Variants in MSI2 observed in about 807,000 individuals in gnomAD.
MSI2 encodes the protein musashi RNA binding protein 2.
MSI2 carries 17 observed loss-of-function variants against 45.6 expected under a neutral mutation model. That is an observed-to-expected ratio of 0.37 (90% CI 0.26 to 0.56). The LOEUF (loss-of-function observed/expected upper bound fraction) is 0.56. Among genes scored for constraint, MSI2 ranks in the 20% least tolerant of loss-of-function variants. The pLI, the probability that MSI2 is intolerant of heterozygous loss-of-function variation, is 0.77. For synonymous variants in MSI2, 156 were observed against 158.2 expected, an observed-to-expected ratio of 0.99 and a Z score of 0.11; for missense variants, 293 against 444.2, an observed-to-expected ratio of 0.66 and a Z score of 3.06.
At chr17:57,595,392 C>A (rs909589725) in intron 7 of MSI2, among the ~76,000 whole-genome samples, 1 of 151,900 alleles carries the variant, frequency 6.6e-6, no homozygotes, top group South Asian at 2.1e-4. Flanking sequence ...CAGGTTCATA[C>A]CTTTGGGGAG....
At chr17:57,571,502 C>T (rs935097794) in intron 7 of MSI2, among the ~76,000 whole-genome samples, 1 of 152,184 alleles carries the variant, frequency 6.6e-6, no homozygotes, top group African/African-American at 2.4e-5. Flanking sequence ...CTTTACCTCA[C>T]GTACCTCTGG....
intron 10 of MSI2, among the ~76,000 whole-genome samples, chr17:57,645,112 GT>G (rs1910554100): frequency 6.6e-6 from 1 of 152,208 alleles, no homozygotes; most frequent in African/African-American, 2.4e-5. Context: ...TAAATCAAGG[GT>G]TCTCTGCCTA....
At chr17:57,367,885 A>G (rs1428383740) in intron 5 of MSI2, among the ~76,000 whole-genome samples, 1 of 152,108 alleles carries the variant, frequency 6.6e-6, no homozygotes, top group African/African-American at 2.4e-5. Flanking sequence ...AGGCCTGGGT[A>G]GGAGACGGAG....
intron 7 of MSI2, among the ~76,000 whole-genome samples, chr17:57,561,571 G>C (rs952036383): frequency 5.9e-5 from 9 of 152,186 alleles, no homozygotes; most frequent in Admixed American, 1.3e-4. Flanking sequence ...TGTTTGCCCA[G>C]TTGCTGCTTT....
chr17:57,479,245 G>T (rs1203425927), intron 6 of MSI2, among the ~76,000 whole-genome samples: 1 of 152,172 alleles, frequency 6.6e-6, no homozygotes, highest in Admixed American at 6.5e-5. Flanking sequence ...CATTTTTTGG[G>T]AATGGGGCTT....
chr17:57,668,619 CA>C (rs34801259), intron 11 of MSI2, among the ~76,000 whole-genome samples: 109,765 of 152,026 alleles, frequency 0.72, 40,893 homozygotes, highest in African/African-American at 0.9. Context: ...CATGCACAGA[CA>C]ACTCACCATG....
At chr17:57,406,338 C>CCA (rs879705963) in intron 6 of MSI2, among the ~76,000 whole-genome samples, 1 of 152,204 alleles carries the variant, frequency 6.6e-6, no homozygotes, top group East Asian at 1.9e-4. Context: ...CAAAGAAACT[C>CCA]CACACACACG....
intron 10 of MSI2, among the ~76,000 whole-genome samples, chr17:57,650,856 G>A (rs1158171409): frequency 5.3e-5 from 8 of 152,086 alleles, no homozygotes; most frequent in Non-Finnish European, 1.0e-4. Flanking sequence ...TCCCTCCTCT[G>A]CTCCCTGCCC....
chr17:57,608,180 G>C (rs1033420744), intron 8 of MSI2: 2 of 152,520 alleles, frequency 1.3e-5, no homozygotes, highest in Non-Finnish European at 2.9e-5. Flanking sequence ...GGATTTACAG[G>C]GGTGCAATTG....
chr17:57,421,740 C>G (rs117533777), intron 6 of MSI2, among the ~76,000 whole-genome samples: 1 of 152,132 alleles, frequency 6.6e-6, no homozygotes, highest in Non-Finnish European at 1.5e-5. Context: ...GCCTGTACTC[C>G]TAGCTACATG....
At chr17:57,591,225 C>T (rs1904796650) in intron 7 of MSI2, among the ~76,000 whole-genome samples, 1 of 152,192 alleles carries the variant, frequency 6.6e-6, no homozygotes, top group South Asian at 2.1e-4. Context: ...TTCTGATTCT[C>T]TGTGGGGCCC....
At chr17:57,485,570 C>T (rs529731257) in intron 6 of MSI2, among the ~76,000 whole-genome samples, 1 of 152,140 alleles carries the variant, frequency 6.6e-6, no homozygotes, top group African/African-American at 2.4e-5. Flanking sequence ...AGAAAGGGCC[C>T]GTGATTCAAC....
rs1369980314 is a variant in MSI2, at chr17:57,470,030, C to T, written c.406-59646C>T. Among the ~76,000 whole-genome samples the T allele has an allele frequency of 2.6e-5, 4 of 152,296 alleles. No individual in the cohort carries two copies. In the East Asian group the frequency reaches 5.8e-4, roughly 22 times the overall value. ...TTTCTCTGGCTTAATGCCTTTTCAT[C>T]CTCCAGGACCCAGCTCAGATGCTGC... is the stretch of plus-strand genomic sequence containing the variant. On this transcript the variant is annotated intron_variant, in intron 6 of 13. Transcript: ENST00000284073.
At chr17:57,308,170 T>C (rs770453412) in intron 5 of MSI2, among the ~76,000 whole-genome samples, 21 of 152,098 alleles carry the variant, frequency 1.4e-4, no homozygotes, top group Non-Finnish European at 2.9e-4. Flanking sequence ...TGCCTCCCAA[T>C]TGGCTGTAAG....
At chr17:57,645,521 C>T (rs184379219) in intron 10 of MSI2, among the ~76,000 whole-genome samples, 40 of 151,926 alleles carry the variant, frequency 2.6e-4, no homozygotes, top group African/African-American at 9.4e-4. Flanking sequence ...CTGCAACCTC[C>T]GCCTCCTGGG....
At chr17:57,275,571 A>G (rs1430192213) in intron 5 of MSI2, among the ~76,000 whole-genome samples, 5 of 152,120 alleles carry the variant, frequency 3.3e-5, no homozygotes, top group Non-Finnish European at 1.5e-5. Flanking sequence ...GGGCTGGGAA[A>G]GCCCCCAGAC....
chr17:57,688,140 C>A (rs1483722605), downstream of MSI2, among the ~76,000 whole-genome samples: 5 of 151,988 alleles, frequency 3.3e-5, no homozygotes, highest in South Asian at 2.1e-4. Flanking sequence ...AAATAAGGAA[C>A]TTGTAGGGGT....
Position 57,674,995 on chromosome 17 carries a change from G to A in MSI2, c.814G>A (p.Gly272Ser). The A allele has an allele frequency of 6.2e-7, 1 of 1,613,558 alleles. No homozygotes were observed. Among genetic ancestry groups the A allele is most frequent in the Non-Finnish European group, 8.5e-7 (1 of 1,179,840 alleles). Reference protein sequence around the residue: ...GSGSNPARPGGFPGANSPGPV... With the variant: ...GSGSNPARPGSFPGANSPGPV... Reference sequence around the variant, plus strand: ...AGGCTCCAACCCGGCGCGGCCCGGAGGCTTCCCGGGGGCCAACAGCCCAGG... The same window carrying A: ...AGGCTCCAACCCGGCGCGGCCCGGAAGCTTCCCGGGGGCCAACAGCCCAGG... Residue 272 changes from glycine (G) to serine (S), a missense_variant, in exon 12 of 14, where the codon GGC becomes AGC. Coordinates refer to ENST00000284073, the MANE Select transcript of MSI2 (RefSeq NM_138962.4).
At chr17:57,693,148 G>A in the MSI2 span, among the ~76,000 whole-genome samples, 1 of 151,108 alleles carries the variant, frequency 6.6e-6, no homozygotes, top group Non-Finnish European at 1.5e-5. Context: ...TTTTCTCCTT[G>A]TGTTTAATTT....
Sources: gnomAD v4.1 joint callset for allele counts (sites outside exome capture counted in the v4.1 genomes callset) on GRCh38, gnomAD v4.1.1 for gene constraint, MANE v1.5 for transcripts, NCBI Gene and HGNC (gene_info 2026-07-23, HGNC 2026-07-21) for gene names.